KCNK10: variants seen among roughly 807,000 people sequenced by gnomAD.
KCNK10 encodes potassium two pore domain channel subfamily K member 10.
In KCNK10, 25 loss-of-function variants were observed where a neutral mutation model predicts 47.7. That is an observed-to-expected ratio of 0.52 (90% CI 0.38 to 0.73). The LOEUF is 0.73. Among genes scored for constraint, KCNK10 ranks in the 30% least tolerant of loss-of-function variants. The pLI is 0.00. For missense variants in KCNK10, 563 were observed against 714.5 expected (o/e 0.79, Z 2.42); for synonymous variants, 303 against 285.6 (o/e 1.06, Z -0.61).
Position 88,294,199 on chromosome 14 carries a change from G to A in KCNK10, c.52+28548C>T, listed in dbSNP as rs572472228. On this transcript the variant is annotated intron_variant, in intron 1 of 6. Coordinates refer to ENST00000319231, the MANE Select transcript of KCNK10 (RefSeq NM_138317.3). Reference sequence around the variant, plus strand: ...ATTCGATTCCCCCAATCACCACCATGATAATTAAAGAATGAGTATCTGACC... The same window carrying A: ...ATTCGATTCCCCCAATCACCACCATAATAATTAAAGAATGAGTATCTGACC... Among the ~76,000 whole-genome samples the A allele has an allele frequency of 3.3e-5, 5 of 152,310 alleles. No individual in the cohort carries two copies. In the East Asian group the frequency reaches 9.7e-4, roughly 29 times the overall value.
intron 3 of KCNK10, among the ~76,000 whole-genome samples, chr14:88,234,045 C>T (rs1886227227): frequency 6.6e-6 from 1 of 152,206 alleles, no homozygotes; most frequent in African/African-American, 2.4e-5. Context: ...CCCAGGTTAA[C>T]AATCTGCTGA....
intron 1 of KCNK10, among the ~76,000 whole-genome samples, chr14:88,315,958 T>C (rs1156545229): frequency 6.6e-6 from 1 of 152,146 alleles, no homozygotes; most frequent in Non-Finnish European, 1.5e-5. Context: ...CTGGCTTATG[T>C]ATGGCAGTAA....
intron 1 of KCNK10, among the ~76,000 whole-genome samples, chr14:88,296,422 G>A (rs1340726192): frequency 2.0e-5 from 3 of 152,184 alleles, no homozygotes; most frequent in African/African-American, 7.2e-5. Context: ...GAAGTGGATA[G>A]GACACTCGAT....
Position 88,199,657 on chromosome 14 carries a change from C to T in KCNK10, c.682-7247G>A, listed in dbSNP as rs1885036365. Among the ~76,000 whole-genome samples, 3 of 152,214 alleles carry T rather than the reference C, an allele frequency of 2.0e-5. No individual in the cohort carries two copies. The South Asian group carries it at 6.2e-4, about 32-fold the overall frequency. ...TCCCACCCATCTCTTAGCTATGCAG[C>T]TGTTCCCTGGAACCAGTATCCAAGA... On this transcript the variant is annotated intron_variant, in intron 4 of 6. Transcript: ENST00000319231.
In KCNK10 at chr14:88,261,359, A is replaced by G. The variant is rs202109033; in HGVS notation, c.402+1843T>C. On this transcript the variant is annotated intron_variant, in intron 2 of 6. Transcript: ENST00000319231. The stretch of plus-strand genomic sequence containing the variant: ...TTATACTCCTACTTAAAACTACTCC[A>G]GAATTGTTTATTCCATTCTCTATAG... 7.9e-5 allele frequency among the ~76,000 whole-genome samples: 12 copies of G among 152,372 alleles called. No individual in the cohort carries two copies. In the East Asian group the frequency reaches 2.3e-3, roughly 29 times the overall value.
intron 4 of KCNK10, among the ~76,000 whole-genome samples, chr14:88,209,563 G>A (rs57207085): frequency 0.028 from 4,281 of 152,278 alleles, 198 homozygotes; most frequent in African/African-American, 0.096. Context: ...CTGCATCGCG[G>A]CCAGTGCATC....
Position 88,237,698 on chromosome 14 carries a change from A to G in KCNK10, c.520+3005T>C, listed in dbSNP as rs1003166106. On this transcript the variant is annotated intron_variant, in intron 3 of 6. Coordinates refer to ENST00000319231, the MANE Select transcript of KCNK10 (RefSeq NM_138317.3). Reference sequence around the variant, plus strand: ...CAGTGAACAGAACTATTTTGAAAGGAATCTTTTTTCTGAGTAGTAGATCTC... The same window carrying G: ...CAGTGAACAGAACTATTTTGAAAGGGATCTTTTTTCTGAGTAGTAGATCTC... Among the ~76,000 whole-genome samples the G allele has an allele frequency of 2.0e-5, 3 of 152,290 alleles. No homozygotes were observed. The East Asian group carries it at 5.8e-4, about 29-fold the overall frequency.
At chr14:88,253,654 C>T (rs2139907112) in intron 2 of KCNK10, among the ~76,000 whole-genome samples, 1 of 152,062 alleles carries the variant, frequency 6.6e-6, no homozygotes, top group Admixed American at 6.5e-5. Context: ...AATCCCAAAA[C>T]TTCGGGAGGC....
At chr14:88,226,527 G>C (rs534202771) in intron 4 of KCNK10, among the ~76,000 whole-genome samples, 1 of 152,152 alleles carries the variant, frequency 6.6e-6, no homozygotes, top group Non-Finnish European at 1.5e-5. Flanking sequence ...CCTGAGGAAG[G>C]TTTGAAAGAC....
chr14:88,190,526 C>T (rs1258202123), intron 5 of KCNK10, among the ~76,000 whole-genome samples: 3 of 152,142 alleles, frequency 2.0e-5, no homozygotes, highest in Non-Finnish European at 1.5e-5. Flanking sequence ...ACTAACTAGA[C>T]ATCCATGGTT....
intron 1 of KCNK10, among the ~76,000 whole-genome samples, chr14:88,287,711 G>C (rs1385664791): frequency 9.0e-6 from 1 of 111,162 alleles, no homozygotes; most frequent in Non-Finnish European, 2.1e-5. Flanking sequence ...GTGTGTGTGT[G>C]TGTGTGTGTG....
intron 4 of KCNK10, among the ~76,000 whole-genome samples, chr14:88,209,138 C>T (rs1885375626): frequency 6.6e-6 from 1 of 152,090 alleles, no homozygotes; most frequent in Non-Finnish European, 1.5e-5. Flanking sequence ...TCCGAGGATC[C>T]CTTGTTGGTA....
At chr14:88,243,430 T>A (rs1452744430) in intron 2 of KCNK10, among the ~76,000 whole-genome samples, 1 of 152,198 alleles carries the variant, frequency 6.6e-6, no homozygotes, top group East Asian at 1.9e-4. Flanking sequence ...CCAAAGCGGA[T>A]GGTTTTGCCT....
rs114583885 is a variant in KCNK10 at position 88,302,078 on chromosome 14, G to A, written c.52+20669C>T. Among the ~76,000 whole-genome samples the A allele has an allele frequency of 3.4e-3, 523 of 152,258 alleles. 4 individuals carry two copies. Among genetic ancestry groups the A allele is most frequent in the African/African-American group, 0.012 (495 of 41,560 alleles). The stretch of plus-strand genomic sequence containing the variant: ...TGGATGTGTTCTAGATATCGTATCA[G>A]GCAGGACTTGCTGGTGAGTGGAGAA... On this transcript the variant is annotated intron_variant, in intron 1 of 6. Coordinates refer to ENST00000319231, the MANE Select transcript of KCNK10 (RefSeq NM_138317.3).
intron 5 of KCNK10, among the ~76,000 whole-genome samples, chr14:88,188,863 A>C (rs1884654613): frequency 6.6e-6 from 1 of 152,186 alleles, no homozygotes; most frequent in South Asian, 2.1e-4. Flanking sequence ...ATTTATTCTG[A>C]ATAATTAGCC....
chr14:88,247,686 C>T (rs561035028), intron 2 of KCNK10, among the ~76,000 whole-genome samples: 1 of 152,318 alleles, frequency 6.6e-6, no homozygotes, highest in African/African-American at 2.4e-5. Flanking sequence ...CATGCTTGCT[C>T]ATGGCGTATG....
At chr14:88,307,715 A>G (rs747230154) in intron 1 of KCNK10, among the ~76,000 whole-genome samples, 12 of 152,192 alleles carry the variant, frequency 7.9e-5, no homozygotes, top group Non-Finnish European at 1.0e-4. Context: ...TGAGCTAAAC[A>G]TTAGGATATT....
At chr14:88,286,710 G>A (rs1204847223) in intron 1 of KCNK10, among the ~76,000 whole-genome samples, 2 of 152,176 alleles carry the variant, frequency 1.3e-5, no homozygotes, top group African/African-American at 4.8e-5. Context: ...GAGAGAATGA[G>A]AATCAAGTGA....
intron 1 of KCNK10, among the ~76,000 whole-genome samples, chr14:88,297,552 C>T (rs1276701205): frequency 6.6e-6 from 1 of 152,190 alleles, no homozygotes; most frequent in Admixed American, 6.5e-5. Flanking sequence ...ATACAGATCC[C>T]TTTAACAGTA....
Sources: allele counts gnomAD v4.1 joint callset (sites outside exome capture counted in the v4.1 genomes callset), GRCh38; gene constraint gnomAD v4.1.1; transcripts MANE v1.5; gene names NCBI Gene and HGNC (gene_info 2026-07-23, HGNC 2026-07-21).